MRPS10: variants seen among roughly 807,000 people sequenced by gnomAD.
The protein encoded by MRPS10 is mitochondrial ribosomal protein S10.
A neutral mutation model predicts 27.5 loss-of-function variants in MRPS10; 23 were observed. The observed-to-expected ratio is 0.84, with a 90% CI of 0.60 to 1.18. The LOEUF is 1.18. Ranked by LOEUF, MRPS10 falls within the 50% of genes most tolerant of loss-of-function variation. MRPS10 has a pLI of 0.00. For missense variants in MRPS10, 237 were observed against 240.1 expected (o/e 0.99, Z 0.09); for synonymous variants, 88 against 84.2 (o/e 1.04, Z -0.25).
Position 42,209,977 on chromosome 6 carries a change from T to C in MRPS10, c.432+511A>G, listed in dbSNP as rs117268423. Among the ~76,000 whole-genome samples the C allele has an allele frequency of 1.5e-4, 23 of 152,308 alleles. No individual in the cohort carries two copies. In the East Asian group the frequency reaches 4.4e-3, roughly 29 times the overall value. ...ATGGGTACCACTATTATTCCCATTT[T>C]ATAGATGAAGGAATAGAGGTACATG... On this transcript the variant is annotated intron_variant, in intron 5 of 6. Coordinates refer to ENST00000053468, the MANE Select transcript of MRPS10 (RefSeq NM_018141.4).
chr6:42,216,352 T>C (rs887138517), intron 1 of MRPS10, among the ~76,000 whole-genome samples: 1 of 66,116 alleles, frequency 1.5e-5, no homozygotes, highest in African/African-American at 3.7e-5. Context: ...TTTTTCTTTG[T>C]ATTTCTTGAG....
intron 1 of MRPS10, among the ~76,000 whole-genome samples, chr6:42,216,383 A>AGTGTGTGTGT (rs763994848): frequency 0.021 from 961 of 46,184 alleles, 22 homozygotes; most frequent in Middle Eastern, 0.046. Flanking sequence ...AGAGAGAGAG[A>AGTGTGTGTGT]GAGTGTGTGT....
chr6:42,214,083 A>T (rs1414328229), intron 3 of MRPS10, 37 bp downstream of exon 3: 1 of 1,513,638 alleles, frequency 6.6e-7, no homozygotes, highest in Non-Finnish European at 9.0e-7. Context: ...CCTATTGCCA[A>T]GGTAGCTCCT....
intron 6 of MRPS10, among the ~76,000 whole-genome samples, chr6:42,208,626 T>C (rs1768679133): frequency 6.6e-6 from 1 of 152,144 alleles, no homozygotes; most frequent in African/African-American, 2.4e-5. Flanking sequence ...CAACTCATAT[T>C]GAGGAGGGAG....
intron 3 of MRPS10, among the ~76,000 whole-genome samples, chr6:42,212,166 G>A (rs1484231690): frequency 1.3e-5 from 2 of 152,084 alleles, no homozygotes; most frequent in Admixed American, 1.3e-4. Context: ...AATTACTAAA[G>A]GAACTTTCCA....
chr6:42,210,950 G>C (rs1438182341), intron 4 of MRPS10, among the ~76,000 whole-genome samples: 1 of 152,238 alleles, frequency 6.6e-6, no homozygotes, highest in Non-Finnish European at 1.5e-5. Context: ...AACACCTGCT[G>C]TATGTCTGTT....
rs751789314 is a variant in MRPS10 at position 42,211,881 on chromosome 6, G to A, written c.223C>T (p.Arg75Cys). The A allele has an allele frequency of 3.1e-6, 5 of 1,613,750 alleles. No individual in the cohort carries two copies. In the Admixed American group the frequency reaches 5.0e-5, roughly 16 times the overall value. Residue 75 changes from arginine to cysteine, a missense_variant, in exon 4 of 7, where the codon CGC (arginine) becomes TGC (cysteine). Transcript: ENST00000053468. ...ISDEPDILYK[R>C]LSVLVKGHDK... Reference sequence around the variant, plus strand: ...TGACCTTTCACCAAAACCGAGAGGCGCTTATATAATATGTCTGGTTCATCA... The same window carrying A: ...TGACCTTTCACCAAAACCGAGAGGCACTTATATAATATGTCTGGTTCATCA...
At position 42,211,796 on chromosome 6, in the gene MRPS10, C is replaced by T; in HGVS notation, c.308G>A (p.Gly103Asp). 1 of 1,613,258 alleles carries T rather than the reference C, an allele frequency of 6.2e-7. No homozygotes were observed. Among genetic ancestry groups the T allele is most frequent in the Non-Finnish European group, 8.5e-7 (1 of 1,179,774 alleles). The change falls in exon 4 of 7, where the codon GGT (glycine) becomes GAT (aspartate). Residue 103 changes from glycine to aspartate, a missense_variant. Around this residue, in one of 3 missense-constraint regions of MRPS10, gnomAD observed 164 missense variants for 137.8 expected, o/e 1.19. Coordinates refer to ENST00000053468, the MANE Select transcript of MRPS10 (RefSeq NM_018141.4). ...YFAVLAAKEL[G>D]ISIKVHEPPR... ...CCATACTCACACTTTAATAGAGATA[C>T]CAAGTTCTTTAGCAGCAAGCACAGC...
At chr6:42,210,094 C>T (rs1768735295) in intron 5 of MRPS10, among the ~76,000 whole-genome samples, 1 of 152,158 alleles carries the variant, frequency 6.6e-6, no homozygotes. Context: ...ACTGTGCTGG[C>T]ACTAATGGAA....
Position 42,207,632 on chromosome 6 carries a change from A to G in MRPS10, c.*657T>C, listed in dbSNP as rs1475488022. The G allele has an allele frequency of 3.3e-5, 5 of 152,256 alleles. No individual in the cohort carries two copies. The highest frequency in any genetic ancestry group is 7.3e-5 in the Non-Finnish European group (5 of 68,068). 9.4% of individuals were successfully genotyped at this position (152,256 alleles called of 1,614,324 possible). On this transcript the variant is annotated 3_prime_UTR_variant, in exon 7 of 7. Coordinates refer to ENST00000053468, the MANE Select transcript of MRPS10 (RefSeq NM_018141.4). ...GCTTATTGAATGAATGAATCATAGGATAAATAATACAACTAGTAATTTCTT... is the reference window on the plus strand; with the variant it reads ...GCTTATTGAATGAATGAATCATAGGGTAAATAATACAACTAGTAATTTCTT...
chr6:42,215,772 C>G (rs924257121), intron 1 of MRPS10, among the ~76,000 whole-genome samples: 1 of 152,084 alleles, frequency 6.6e-6, no homozygotes, highest in Non-Finnish European at 1.5e-5. Flanking sequence ...TCTCCTTACC[C>G]AAGATAGAGA....
At chr6:42,213,822 C>G (rs929361241) in intron 3 of MRPS10, among the ~76,000 whole-genome samples, 1 of 152,164 alleles carries the variant, frequency 6.6e-6, no homozygotes, top group Non-Finnish European at 1.5e-5. Flanking sequence ...TAACATAAAT[C>G]AAGTATTCTA....
chr6:42,211,650 G>A (rs538934734), intron 4 of MRPS10, 131 bp downstream of exon 4: 22 of 805,108 alleles, frequency 2.7e-5, no homozygotes, highest in East Asian at 1.7e-4. Context: ...CTCCAGCCTG[G>A]GCAACAGAGC....
Position 42,207,821 on chromosome 6 carries a change from C to T in MRPS10, c.*468G>A, listed in dbSNP as rs1248374844. 3.0e-5 allele frequency: 5 copies of T among 166,060 alleles called. No homozygotes were observed. The highest frequency in any genetic ancestry group is 1.6e-4 in the South Asian group (1 of 6,212). 10.3% of individuals were successfully genotyped at this position (166,060 alleles called of 1,614,324 possible). On this transcript the variant is annotated 3_prime_UTR_variant, in exon 7 of 7. Transcript: ENST00000053468. ...GAGATAAAATCGGTTGGTTACCACC[C>T]CCAAATTAGCATATGCCAGCCTGCA...
intron 1 of MRPS10, among the ~76,000 whole-genome samples, chr6:42,215,214 C>T (rs1172224150): frequency 6.6e-6 from 1 of 151,804 alleles, no homozygotes; most frequent in African/African-American, 2.4e-5. Context: ...CATGGTGAAA[C>T]CCTGTCTCTA....
intron 6 of MRPS10, 107 bp from the exon 7 acceptor site, chr6:42,208,479 T>TC: frequency 2.3e-6 from 2 of 853,682 alleles, no homozygotes; most frequent in Non-Finnish European, 3.7e-6. Context: ...TTTTCTTTTA[T>TC]CCCCCTAGTC....
In MRPS10 at chr6:42,211,896, C is replaced by G; in HGVS notation, c.208G>C (p.Asp70His). The G allele has an allele frequency of 6.2e-7, 1 of 1,613,424 alleles. No individual in the cohort carries two copies. The highest frequency in any genetic ancestry group is 1.3e-5 in the African/African-American group (1 of 74,992). ...ACCGAGAGGCGCTTATATAATATGT[C>G]TGGTTCATCAGAGATTGTTACCTAA... ...KPVVTISDEP[D>H]ILYKRLSVLV... is the part of the protein sequence containing the mutation. Residue 70 changes from aspartate (D) to histidine (H), a missense_variant, in exon 4 of 7, where the codon GAC (aspartate) becomes CAC (histidine). Physicochemically the swap from Asp to His is moderately conservative, Grantham distance 81. Transcript: ENST00000053468.
Position 42,208,725 on chromosome 6 carries a change from G to A in MRPS10, c.522+133C>T, listed in dbSNP as rs1038225780. 7 of 641,556 alleles carry A rather than the reference G, an allele frequency of 1.1e-5. No individual in the cohort carries two copies. In the Admixed American group the frequency reaches 2.3e-4, roughly 21 times the overall value. The allele number at this position is 641,556 out of a possible 1,614,324, so 39.7% of individuals were successfully genotyped here. On this transcript the variant is annotated intron_variant, in intron 6 of 6. Coordinates refer to ENST00000053468, the MANE Select transcript of MRPS10 (RefSeq NM_018141.4). ...GTAGCCCCCAACCGCTGTGGCAACTGTGTCTCCCAGTTTGCCACAGTTTAG... is the reference window on the plus strand; with the variant it reads ...GTAGCCCCCAACCGCTGTGGCAACTATGTCTCCCAGTTTGCCACAGTTTAG...
chr6:42,210,357 T>C (rs1223016947), intron 5 of MRPS10, 131 bp downstream of exon 5: 2 of 388,980 alleles, frequency 5.1e-6, no homozygotes, highest in South Asian at 2.5e-5. Context: ...CTAAAAGATA[T>C]TTACCTTCTG....
Sources: allele counts gnomAD v4.1 joint callset (sites outside exome capture counted in the v4.1 genomes callset), GRCh38; gene constraint gnomAD v4.1.1; regional missense constraint gnomAD v4.1.1; transcripts MANE v1.5; gene names NCBI Gene and HGNC (gene_info 2026-07-23, HGNC 2026-07-21).